Variants in CSNK1G2 observed in about 807,000 individuals in gnomAD.
The protein encoded by CSNK1G2 is casein kinase I isoform gamma-2.
Under a neutral mutation model 48.0 loss-of-function variants are expected in CSNK1G2, and 11 were observed. The ratio of observed to expected loss-of-function variants is 0.23; its 90% CI spans 0.14 to 0.38. The LOEUF (loss-of-function observed/expected upper bound fraction) is 0.38, where lower values mean the gene tolerates loss of function less well. Ranked by LOEUF, CSNK1G2 falls within the 10% of genes least tolerant of loss-of-function variation. The probability of loss-of-function intolerance (pLI) is 1.00; values close to 1 mark genes in which losing one functional copy is unlikely to be tolerated. For missense variants in CSNK1G2, 446 were observed against 595.5 expected, an observed-to-expected ratio of 0.75 and a Z score of 2.61; for synonymous variants, 337 against 254.1, an observed-to-expected ratio of 1.33 and a Z score of -3.10.
rs147825813 is a variant in CSNK1G2, at chr19:1,961,127, G to A, written c.-265-8381G>A. On this transcript the variant is annotated intron_variant, in intron 1 of 11. Coordinates refer to ENST00000255641, the MANE Select transcript of CSNK1G2 (RefSeq NM_001319.7). ...CCTGTCCGTCCCGTTGGCAGCCGCA[G>A]TGGAAAGACGGATGGACGGGCTGTG... Among the ~76,000 whole-genome samples the A allele has an allele frequency of 4.9e-3, 745 of 152,366 alleles. 8 individuals are homozygous for A. Among genetic ancestry groups the A allele is most frequent in the African/African-American group, 0.016 (671 of 41,582 alleles).
At chr19:1,965,221 A>C (rs1327337458) in intron 1 of CSNK1G2, among the ~76,000 whole-genome samples, 1 of 150,236 alleles carries the variant, frequency 6.7e-6, no homozygotes, top group Non-Finnish European at 1.5e-5. Context: ...GTCTCTACTA[A>C]AAATACAAAA....
chr19:1,970,993 C>T (rs1317961026), intron 2 of CSNK1G2, among the ~76,000 whole-genome samples: 3 of 152,304 alleles, frequency 2.0e-5, no homozygotes, highest in South Asian at 4.1e-4. Context: ...CAAGAGCGGC[C>T]GCCCAGGGGC....
chr19:1,955,944 G>A (rs994415337), intron 1 of CSNK1G2, among the ~76,000 whole-genome samples: 1 of 152,238 alleles, frequency 6.6e-6, no homozygotes, highest in Non-Finnish European at 1.5e-5. Context: ...CAAGACCACT[G>A]TATCAGAACA....
chr19:1,972,727 A>G (rs1465995434), intron 2 of CSNK1G2, among the ~76,000 whole-genome samples: 3 of 151,994 alleles, frequency 2.0e-5, no homozygotes, highest in African/African-American at 2.4e-5. Context: ...GGTTCAAGCA[A>G]TTCTCTTGCC....
chr19:1,949,282 G>A (rs1172584598), intron 1 of CSNK1G2, among the ~76,000 whole-genome samples: 3 of 152,246 alleles, frequency 2.0e-5, no homozygotes, highest in East Asian at 1.9e-4. Context: ...AAATTGAGAC[G>A]CTGTCTTCGT....
At chr19:1,945,440 C>T (rs1308869264) in intron 1 of CSNK1G2, among the ~76,000 whole-genome samples, 1 of 152,256 alleles carries the variant, frequency 6.6e-6, no homozygotes, top group African/African-American at 2.4e-5. Flanking sequence ...GGGATCCCTC[C>T]TGTCACCCTC....
intron 11 of CSNK1G2, 44 bp from the exon 12 acceptor site, chr19:1,980,105 G>T: frequency 6.2e-7 from 1 of 1,610,404 alleles, no homozygotes; most frequent in Non-Finnish European, 8.5e-7. Context: ...GGCTGCCCCC[G>T]CCCTGCACCC....
rs778294062 is a variant in CSNK1G2, at chr19:1,978,636, C to T, written c.333C>T (p.Cys111=). The stretch of plus-strand genomic sequence containing the variant: ...CTCAGGTCTACTACTTCGGTCCGTG[C>T]GGGAAGTACAACGCCATGGTGCTGG... ...GVPQVYYFGP[C]GKYNAMVLEL... Residue 111 remains cysteine (C), a synonymous_variant, in exon 5 of 12, where the codon TGC becomes TGT. Transcript: ENST00000255641. This position sits in a 1 kb window ranked among gnomAD's most constrained non-coding sequence, Gnocchi z 7.3. 4.4e-6 allele frequency: 7 copies of T among 1,605,414 alleles called. No homozygotes were observed. Among genetic ancestry groups the T allele is most frequent in the Non-Finnish European group, 6.0e-6 (7 of 1,176,434 alleles).
Position 1,980,371 on chromosome 19 carries a change from A to T in CSNK1G2, c.*168A>T. ...TGGCTCAGGCGGCCCCACCCCCGGGACGTGGGGTCACTTCCTTCATGTAAG... is the reference window on the plus strand; with the variant it reads ...TGGCTCAGGCGGCCCCACCCCCGGGTCGTGGGGTCACTTCCTTCATGTAAG... On this transcript the variant is annotated 3_prime_UTR_variant, in exon 12 of 12. Coordinates refer to ENST00000255641, the MANE Select transcript of CSNK1G2 (RefSeq NM_001319.7). 1 of 761,630 alleles carries T rather than the reference A, an allele frequency of 1.3e-6. No individual in the cohort carries two copies. Among genetic ancestry groups the T allele is most frequent in the East Asian group, 2.6e-5 (1 of 38,346 alleles). The allele number at this position is 761,630 out of a possible 1,614,324, so 47.2% of individuals were successfully genotyped here.
At chr19:1,958,277 T>C (rs1441434951) in intron 1 of CSNK1G2, among the ~76,000 whole-genome samples, 2 of 151,986 alleles carry the variant, frequency 1.3e-5, no homozygotes, top group African/African-American at 2.4e-5. Flanking sequence ...TGGGCCTCGC[T>C]TCGTCCTTTT....
At chr19:1,960,156 C>G (rs140105549) in intron 1 of CSNK1G2, among the ~76,000 whole-genome samples, 1 of 152,216 alleles carries the variant, frequency 6.6e-6, no homozygotes, top group African/African-American at 2.4e-5. Flanking sequence ...TGCGTCAGCA[C>G]AGGGGCGTGT....
intron 1 of CSNK1G2, among the ~76,000 whole-genome samples, chr19:1,944,752 G>T (rs1206421616): frequency 6.6e-6 from 1 of 152,188 alleles, no homozygotes; most frequent in African/African-American, 2.4e-5. Flanking sequence ...GAGGGTCTGG[G>T]ACCACCAGAA....
chr19:1,966,481 G>A (rs956921255), intron 1 of CSNK1G2, among the ~76,000 whole-genome samples: 2 of 152,206 alleles, frequency 1.3e-5, no homozygotes, highest in African/African-American at 4.8e-5. Flanking sequence ...GAGCAGGGGA[G>A]TTGCTTCAGT....
At chr19:1,950,368 A>C (rs138587606) in intron 1 of CSNK1G2, among the ~76,000 whole-genome samples, 1 of 146,370 alleles carries the variant, frequency 6.8e-6, no homozygotes, top group Middle Eastern at 3.4e-3. Context: ...CTTGATCTCC[A>C]GACCTCGTGA....
intron 1 of CSNK1G2, among the ~76,000 whole-genome samples, chr19:1,941,960 C>T (rs1334129085): frequency 6.6e-6 from 1 of 152,050 alleles, no homozygotes; most frequent in African/African-American, 2.4e-5. Flanking sequence ...GCCCACCTGG[C>T]CCCATCGCCT....
At chr19:1,946,493 G>A (rs934661451) in intron 1 of CSNK1G2, among the ~76,000 whole-genome samples, 6 of 150,784 alleles carry the variant, frequency 4.0e-5, no homozygotes, top group African/African-American at 7.3e-5. Flanking sequence ...GGGTTTCACC[G>A]TGTTAGCCAG....
intron 2 of CSNK1G2, among the ~76,000 whole-genome samples, chr19:1,976,796 A>G (rs1228431423): frequency 2.6e-5 from 4 of 150,976 alleles, no homozygotes; most frequent in Non-Finnish European, 4.4e-5. Context: ...CTGGAGTGCA[A>G]TGGCACCATC....
At chr19:1,971,690 T>G (rs1297933341) in intron 2 of CSNK1G2, among the ~76,000 whole-genome samples, 18 of 151,658 alleles carry the variant, frequency 1.2e-4, no homozygotes, top group Non-Finnish European at 4.4e-5. Context: ...GTGGGTCCTG[T>G]CCTTGGGCGG....
intron 2 of CSNK1G2, among the ~76,000 whole-genome samples, chr19:1,971,930 C>G (rs542427113): frequency 6.6e-6 from 1 of 152,122 alleles, no homozygotes; most frequent in Non-Finnish European, 1.5e-5. Flanking sequence ...CCACCACACC[C>G]GGCTAATATT....
Sources: gnomAD v4.1 joint callset for allele counts (sites outside exome capture counted in the v4.1 genomes callset) on GRCh38, gnomAD v4.1.1 for gene constraint, Gnocchi (gnomAD v3.1) non-coding constraint, MANE v1.5 for transcripts, NCBI Gene and HGNC (gene_info 2026-07-23, HGNC 2026-07-21) for gene names.